The following UBXN7 variants were observed in gnomAD, a reference collection of about 807,000 sequenced individuals.
UBXN7 encodes the protein UBX domain-containing protein 7.
A neutral mutation model predicts 58.0 loss-of-function variants in UBXN7; 9 were observed. The ratio of observed to expected loss-of-function variants is 0.16; its 90% CI spans 0.09 to 0.27. UBXN7 has a LOEUF of 0.27. Ranked by LOEUF, UBXN7 falls within the 10% of genes least tolerant of loss-of-function variation. The pLI is 1.00. For synonymous variants in UBXN7, 208 were observed against 205.0 expected, an observed-to-expected ratio of 1.01 and a Z score of -0.12; for missense variants, 328 against 599.6, an observed-to-expected ratio of 0.55 and a Z score of 4.73.
chr3:196,377,051 A>AG (rs1729051389), intron 5 of UBXN7, among the ~76,000 whole-genome samples: 1 of 151,954 alleles, frequency 6.6e-6, no homozygotes, highest in African/African-American at 2.4e-5. Context: ...GTCTCAAAAA[A>AG]AAAAAAAAAA....
At chr3:196,408,244 A>G (rs1239576302) in intron 1 of UBXN7, among the ~76,000 whole-genome samples, 1 of 152,140 alleles carries the variant, frequency 6.6e-6, no homozygotes, top group Admixed American at 6.6e-5. Context: ...TTACAAATGT[A>G]CTCATTTGTA....
intron 1 of UBXN7, among the ~76,000 whole-genome samples, chr3:196,419,922 G>A: frequency 6.6e-6 from 1 of 152,144 alleles, no homozygotes; most frequent in East Asian, 1.9e-4. Context: ...TACTGTAATT[G>A]CCAATAACAC....
At position 196,371,902 on chromosome 3, in the gene UBXN7, G is replaced by A. The variant is rs1460105827; in HGVS notation, c.609C>T (p.Phe203=). The change falls in exon 6 of 11, where the codon TTC becomes TTT. Residue 203 remains phenylalanine (F), a synonymous_variant. Transcript: ENST00000296328. ...GATTAACTCTCCTTCTCACCTGCCAGAAAATGAAATGTTCCCGGATAATAT... is the reference window on the plus strand; with the variant it reads ...GATTAACTCTCCTTCTCACCTGCCAAAAAATGAAATGTTCCCGGATAATAT... ...VKNIIREHFI[F]WQVYHDSEEG... is the part of the protein sequence containing the mutation. The A allele has an allele frequency of 6.2e-7, 1 of 1,609,506 alleles. No individual in the cohort carries two copies. Among genetic ancestry groups the A allele is most frequent in the East Asian group, 2.2e-5 (1 of 44,798 alleles).
At chr3:196,422,303 G>A (rs1730713123) in intron 1 of UBXN7, among the ~76,000 whole-genome samples, 1 of 151,702 alleles carries the variant, frequency 6.6e-6, no homozygotes, top group Admixed American at 6.6e-5. Flanking sequence ...GCAGCACAGG[G>A]AGACCTCATC....
In UBXN7 at chr3:196,362,446, T is replaced by C; in HGVS notation, c.1076A>G (p.Lys359Arg). 1.2e-6 allele frequency: 2 copies of C among 1,614,168 alleles called. No homozygotes were observed. Among genetic ancestry groups the C allele is most frequent in the Non-Finnish European group, 1.7e-6 (2 of 1,180,034 alleles). ...KSPHKDLGHRKEENRRPLTEP... is the reference protein window; with the variant it reads ...KSPHKDLGHRREENRRPLTEP... ...AGTCAGCGGCCTTCTATTCTCCTCT[T>C]TTCTATGCCCCAAATCTTTGTGGGG... The change falls in exon 9 of 11, where the codon AAA becomes AGA. Residue 359 changes from lysine (K) to arginine (R), a missense_variant. Lys to Arg is a conservative substitution (Grantham distance 26, BLOSUM62 2). This residue lies in a region of UBXN7 where 66 missense variants were observed against 77.9 expected (regional missense o/e 0.85). Transcript: ENST00000296328.
chr3:196,376,768 G>A (rs974988992), intron 5 of UBXN7, among the ~76,000 whole-genome samples: 3 of 151,494 alleles, frequency 2.0e-5, no homozygotes, highest in Admixed American at 6.6e-5. Context: ...AATATTGGCC[G>A]GGTCCAGTGG....
intron 4 of UBXN7, 147 bp from the exon 5 acceptor site, chr3:196,392,072 G>GAAA: frequency 5.0e-6 from 2 of 398,438 alleles, no homozygotes; most frequent in Admixed American, 4.6e-5. Context: ...TGTTGACTCT[G>GAAA]AAAAAAAAAA....
chr3:196,413,944 A>G (rs909937169), intron 1 of UBXN7, among the ~76,000 whole-genome samples: 3 of 152,222 alleles, frequency 2.0e-5, no homozygotes, highest in Non-Finnish European at 2.9e-5. Flanking sequence ...TTGTTATACT[A>G]TAGAGAATAA....
intron 2 of UBXN7, among the ~76,000 whole-genome samples, chr3:196,406,852 G>T (rs1396197228): frequency 6.6e-6 from 1 of 152,202 alleles, no homozygotes; most frequent in East Asian, 1.9e-4. Flanking sequence ...CTTAATTGCT[G>T]TGTAGCTTGG....
At chr3:196,404,025 C>T (rs988886482) in intron 2 of UBXN7, among the ~76,000 whole-genome samples, 1 of 150,364 alleles carries the variant, frequency 6.7e-6, no homozygotes, top group African/African-American at 2.4e-5. Flanking sequence ...AGGCAGGAGG[C>T]TCACTTGAGC....
intron 10 of UBXN7, among the ~76,000 whole-genome samples, chr3:196,357,338 CA>C (rs1728376715): frequency 6.6e-6 from 1 of 152,198 alleles, no homozygotes. Context: ...ACACTGCTTG[CA>C]TTTCAGTAAC....
chr3:196,385,700 G>A (rs184413701), intron 5 of UBXN7, among the ~76,000 whole-genome samples: 3,736 of 150,658 alleles, frequency 0.025, 76 homozygotes, highest in South Asian at 0.084. Flanking sequence ...CAGCCGCCCC[G>A]TCTGGGAAGT....
At chr3:196,358,572 CA>C (rs1172488987) in intron 10 of UBXN7, among the ~76,000 whole-genome samples, 7 of 151,998 alleles carry the variant, frequency 4.6e-5, no homozygotes, top group Non-Finnish European at 1.0e-4. Context: ...CCCTTCTCTA[CA>C]AAAAAGAATT....
chr3:196,363,636 A>C (rs553958421), intron 8 of UBXN7, among the ~76,000 whole-genome samples: 3 of 152,072 alleles, frequency 2.0e-5, no homozygotes, highest in Non-Finnish European at 4.4e-5. Context: ...GAACACACAA[A>C]TGATAACAAA....
chr3:196,377,600 C>T (rs1729072235), intron 5 of UBXN7, among the ~76,000 whole-genome samples: 1 of 152,182 alleles, frequency 6.6e-6, no homozygotes, highest in Non-Finnish European at 1.5e-5. Context: ...TCAATTCAGA[C>T]CACACACATC....
chr3:196,360,010 C>G (rs1728462876), intron 10 of UBXN7, among the ~76,000 whole-genome samples: 3 of 152,248 alleles, frequency 2.0e-5, no homozygotes, highest in South Asian at 4.1e-4. Flanking sequence ...TCACACATTC[C>G]CTTAAGCCAA....
At chr3:196,380,213 G>GCAGT (rs1449394860) in intron 5 of UBXN7, among the ~76,000 whole-genome samples, 3 of 147,048 alleles carry the variant, frequency 2.0e-5, no homozygotes, top group Non-Finnish European at 4.6e-5. Flanking sequence ...TAGCGCCACT[G>GCAGT]CAGTCCAGCA....
chr3:196,386,407 G>GAAAAAAAAAAAAAAAAAAAA (rs1308392614), intron 5 of UBXN7, among the ~76,000 whole-genome samples: 1 of 110,446 alleles, frequency 9.1e-6, no homozygotes, highest in African/African-American at 3.4e-5. Flanking sequence ...AAAAAAAAAG[G>GAAAAAAAAAAAAAAAAAAAA]AAATGAGGAA....
At chr3:196,428,182 A>G (rs1730909773) in intron 1 of UBXN7, among the ~76,000 whole-genome samples, 2 of 152,168 alleles carry the variant, frequency 1.3e-5, no homozygotes, top group Non-Finnish European at 2.9e-5. Flanking sequence ...ACCATACTGT[A>G]TACAGCTTCT....
Sources: allele counts gnomAD v4.1 joint callset (sites outside exome capture counted in the v4.1 genomes callset), GRCh38; gene constraint gnomAD v4.1.1; regional missense constraint gnomAD v4.1.1; transcripts MANE v1.5; gene names NCBI Gene and HGNC (gene_info 2026-07-23, HGNC 2026-07-21).